CARMIL1: variants seen among roughly 807,000 people sequenced by gnomAD.
The protein encoded by CARMIL1 is F-actin-uncapping protein LRRC16A.
A neutral mutation model predicts 177.1 loss-of-function variants in CARMIL1; 90 were observed. That is an observed-to-expected ratio of 0.51 (90% CI 0.43 to 0.61). The LOEUF is 0.61. Ranked by LOEUF, CARMIL1 falls within the 20% of genes least tolerant of loss-of-function variation. The pLI, the probability that CARMIL1 is intolerant of heterozygous loss-of-function variation, is 0.00. For synonymous variants in CARMIL1, 577 were observed against 606.2 expected, an observed-to-expected ratio of 0.95 and a Z score of 0.71; for missense variants, 1,380 against 1,667.0, an observed-to-expected ratio of 0.83 and a Z score of 3.00.
intron 5 of CARMIL1, 150 bp from the exon 6 acceptor site, chr6:25,449,748 C>A: frequency 1.9e-6 from 1 of 530,202 alleles, no homozygotes; most frequent in South Asian, 3.1e-5. Flanking sequence ...CTCTAGTGCT[C>A]AAAAAAATTG....
chr6:25,442,882 CT>C lies in CARMIL1; in HGVS notation c.372-7012del, dbSNP rs1797908441. On this transcript the variant is annotated intron_variant, in intron 5 of 36. Transcript: ENST00000329474. ...CCTTAACCCTGAGTGTGAATGTCCA[CT>C]TTTGTTTTTCGAGTAAAACTGAGGC... Among the ~76,000 whole-genome samples, 4 of 152,276 alleles carry C rather than the reference CT, an allele frequency of 2.6e-5. No individual in the cohort carries two copies. In the South Asian group the frequency reaches 8.3e-4, roughly 32 times the overall value.
At chr6:25,408,579 A>G (rs1794618119) in intron 2 of CARMIL1, among the ~76,000 whole-genome samples, 1 of 152,162 alleles carries the variant, frequency 6.6e-6, no homozygotes. Flanking sequence ...TATTTTACAG[A>G]TGAGGAAAGT....
intron 25 of CARMIL1, 26 bp from the exon 26 acceptor site, chr6:25,539,921 G>T: frequency 6.6e-7 from 1 of 1,519,846 alleles, no homozygotes; most frequent in East Asian, 2.3e-5. Flanking sequence ...CAATTCTAAA[G>T]AGGTTATTTT....
chr6:25,541,651 G>T (rs775440277), intron 26 of CARMIL1, among the ~76,000 whole-genome samples: 4 of 151,976 alleles, frequency 2.6e-5, no homozygotes, highest in Non-Finnish European at 5.9e-5. Flanking sequence ...AATTTTCATT[G>T]TGTCTTTTTG....
At chr6:25,379,740 A>G (rs896178388) in intron 2 of CARMIL1, among the ~76,000 whole-genome samples, 7 of 152,288 alleles carry the variant, frequency 4.6e-5, no homozygotes, top group Admixed American at 1.3e-4. Flanking sequence ...CTATATTTCC[A>G]AAAGGGCACT....
At chr6:25,466,630 A>C (rs1800621426) in intron 9 of CARMIL1, among the ~76,000 whole-genome samples, 1 of 152,188 alleles carries the variant, frequency 6.6e-6, no homozygotes, top group Non-Finnish European at 1.5e-5. Context: ...TCTCACGTTT[A>C]AGCCTCTAAC....
intron 35 of CARMIL1, among the ~76,000 whole-genome samples, chr6:25,608,311 T>C (rs1816181032): frequency 6.6e-6 from 1 of 152,080 alleles, no homozygotes; most frequent in Non-Finnish European, 1.5e-5. Context: ...ATTGTTATAA[T>C]TATTCTATTA....
At chr6:25,426,055 G>T (rs530655507) in intron 3 of CARMIL1, among the ~76,000 whole-genome samples, 20 of 152,084 alleles carry the variant, frequency 1.3e-4, no homozygotes, top group Middle Eastern at 3.4e-3. Context: ...AAGTGAAAAA[G>T]GGAAAAAAGT....
Position 25,406,449 on chromosome 6 carries a change from T to C in CARMIL1, c.139-13665T>C, listed in dbSNP as rs538054482. Among the ~76,000 whole-genome samples, 1,116 of 152,240 alleles carry C rather than the reference T, an allele frequency of 7.3e-3. 10 individuals are homozygous for C. Among genetic ancestry groups the C allele is most frequent in the African/African-American group, 0.025 (1,040 of 41,522 alleles). On this transcript the variant is annotated intron_variant, in intron 2 of 36. Transcript: ENST00000329474. Reference sequence around the variant, plus strand: ...AAGCAGAGAAGGGACATAATAATGTTTGGGTTCTTAAAAGATCACGTTCAG... The same window carrying C: ...AAGCAGAGAAGGGACATAATAATGTCTGGGTTCTTAAAAGATCACGTTCAG...
intron 9 of CARMIL1, among the ~76,000 whole-genome samples, chr6:25,468,248 C>T (rs2150930455): frequency 6.6e-6 from 1 of 151,528 alleles, no homozygotes; most frequent in African/African-American, 2.4e-5. Flanking sequence ...ATGTTTTTGG[C>T]CAACATTCTT....
chr6:25,407,023 G>A (rs2150609323), intron 2 of CARMIL1, among the ~76,000 whole-genome samples: 1 of 152,292 alleles, frequency 6.6e-6, no homozygotes, highest in East Asian at 1.9e-4. Flanking sequence ...GCCATGCCCA[G>A]TGCTAAGGAG....
intron 2 of CARMIL1, among the ~76,000 whole-genome samples, chr6:25,299,704 G>C (rs2690128): frequency 1.8e-4 from 27 of 152,020 alleles, no homozygotes; most frequent in African/African-American, 6.3e-4. Context: ...GGCTGGGCAC[G>C]GTGGCTCATG....
intron 31 of CARMIL1, among the ~76,000 whole-genome samples, chr6:25,584,467 C>T (rs1813455814): frequency 6.7e-6 from 1 of 149,832 alleles, no homozygotes; most frequent in Non-Finnish European, 1.5e-5. Flanking sequence ...GGTTTCATGG[C>T]TGAAGCACCA....
chr6:25,601,849 T>C (rs1815440117), intron 33 of CARMIL1, among the ~76,000 whole-genome samples: 1 of 152,238 alleles, frequency 6.6e-6, no homozygotes, highest in Admixed American at 6.5e-5. Context: ...AAGGATTGTA[T>C]CTGTGTGATA....
At chr6:25,310,734 A>C (rs1783745318) in intron 2 of CARMIL1, among the ~76,000 whole-genome samples, 1 of 152,170 alleles carries the variant, frequency 6.6e-6, no homozygotes, top group African/African-American at 2.4e-5. Context: ...GATCCTTTGA[A>C]AGCTTAAAGT....
At chr6:25,398,863 T>G (rs1340103962) in intron 2 of CARMIL1, among the ~76,000 whole-genome samples, 1 of 152,196 alleles carries the variant, frequency 6.6e-6, no homozygotes, top group East Asian at 1.9e-4. Context: ...CTTTTGAAGC[T>G]GATAATTGAG....
chr6:25,514,445 G>A (rs1805771009), intron 20 of CARMIL1, among the ~76,000 whole-genome samples: 1 of 151,536 alleles, frequency 6.6e-6, no homozygotes, highest in African/African-American at 2.4e-5. Flanking sequence ...TACTCGGTAG[G>A]CTGAGGCAGG....
chr6:25,521,073 A>G (rs539894466), intron 23 of CARMIL1, among the ~76,000 whole-genome samples: 109 of 152,282 alleles, frequency 7.2e-4, no homozygotes, highest in Non-Finnish European at 1.3e-3. Context: ...ATGTCATCCA[A>G]AAGACCACCA....
chr6:25,358,382 T>C (rs1204279129), intron 2 of CARMIL1, among the ~76,000 whole-genome samples: 1 of 152,136 alleles, frequency 6.6e-6, no homozygotes, highest in Admixed American at 6.5e-5. Flanking sequence ...GCATAAAAAG[T>C]ATATAAGTAG....
Sources: gnomAD v4.1 joint callset for allele counts (sites outside exome capture counted in the v4.1 genomes callset) on GRCh38, gnomAD v4.1.1 for gene constraint, MANE v1.5 for transcripts, NCBI Gene and HGNC (gene_info 2026-07-23, HGNC 2026-07-21) for gene names.